APBB1IP: variants seen among roughly 807,000 people sequenced by gnomAD.
The protein encoded by APBB1IP is amyloid beta precursor protein binding family B member 1 interacting protein, also known as amyloid beta A4 precursor protein-binding family B member 1-interacting protein.
A neutral mutation model predicts 64.9 loss-of-function variants in APBB1IP; 27 were observed. That is an observed-to-expected ratio of 0.42 (90% CI 0.31 to 0.57). The LOEUF is 0.57. Among genes scored for constraint, APBB1IP ranks in the 20% least tolerant of loss-of-function variants. APBB1IP has a pLI of 0.20. For missense variants in APBB1IP, 812 were observed against 845.5 expected, an observed-to-expected ratio of 0.96 and a Z score of 0.49; for synonymous variants, 392 against 331.0, an observed-to-expected ratio of 1.18 and a Z score of -2.00.
At chr10:26,516,597 G>GGGTGT (rs1836334286) in intron 8 of APBB1IP, among the ~76,000 whole-genome samples, 2 of 148,506 alleles carry the variant, frequency 1.3e-5, no homozygotes, top group African/African-American at 5.1e-5. Flanking sequence ...AAAGAGGGAG[G>GGGTGT]GGTGTGGTAA....
intron 2 of APBB1IP, among the ~76,000 whole-genome samples, chr10:26,452,984 C>T (rs1431424294): frequency 6.6e-6 from 1 of 152,156 alleles, no homozygotes; most frequent in Non-Finnish European, 1.5e-5. Flanking sequence ...AAATATTTTA[C>T]ATTATTCTTA....
intron 13 of APBB1IP, chr10:26,561,998 C>T (rs1303916347): frequency 3.3e-5 from 6 of 183,766 alleles, no homozygotes; most frequent in Non-Finnish European, 4.6e-5. Context: ...AAAAGTAAAA[C>T]ATATTGTTAC....
intron 10 of APBB1IP, among the ~76,000 whole-genome samples, chr10:26,538,070 A>G (rs930134324): frequency 1.3e-5 from 2 of 152,212 alleles, no homozygotes; most frequent in Non-Finnish European, 2.9e-5. Flanking sequence ...ATAGAAAAGA[A>G]GAGGCAAAGA....
chr10:26,502,432 G>C (rs537444847), intron 5 of APBB1IP, among the ~76,000 whole-genome samples: 1 of 152,264 alleles, frequency 6.6e-6, no homozygotes, highest in Non-Finnish European at 1.5e-5. Context: ...ATGAGGTCAG[G>C]AGATGGAGAC....
intron 7 of APBB1IP, 118 bp downstream of exon 7, chr10:26,512,024 C>G: frequency 1.7e-6 from 2 of 1,167,030 alleles, no homozygotes; most frequent in South Asian, 3.2e-5. Context: ...GACACATGCT[C>G]TCACTATGCT....
intron 2 of APBB1IP, among the ~76,000 whole-genome samples, chr10:26,461,859 G>A (rs1171390040): frequency 6.6e-6 from 1 of 152,014 alleles, no homozygotes; most frequent in African/African-American, 2.4e-5. Flanking sequence ...CTTTTGCCAT[G>A]TCATTTTCTA....
chr10:26,496,561 G>A (rs1484735907), intron 4 of APBB1IP, among the ~76,000 whole-genome samples, 170 bp downstream of exon 4: 2 of 152,038 alleles, frequency 1.3e-5, no homozygotes, highest in Non-Finnish European at 2.9e-5. Context: ...TGAATTGAGA[G>A]AGTCAAGAAG....
chr10:26,521,229 C>A (rs1264755793), intron 8 of APBB1IP, among the ~76,000 whole-genome samples: 2 of 152,152 alleles, frequency 1.3e-5, no homozygotes, highest in Non-Finnish European at 2.9e-5. Flanking sequence ...GGGTGCAAGA[C>A]CATCATTGGT....
At chr10:26,499,309 C>T in intron 4 of APBB1IP, among the ~76,000 whole-genome samples, 1 of 150,924 alleles carries the variant, frequency 6.6e-6, no homozygotes, top group Non-Finnish European at 1.5e-5. Context: ...AAGCGAAACT[C>T]TGTCTCAAAA....
At chr10:26,450,074 A>T (rs1325833016) in intron 2 of APBB1IP, among the ~76,000 whole-genome samples, 3 of 152,178 alleles carry the variant, frequency 2.0e-5, no homozygotes, top group Non-Finnish European at 4.4e-5. Context: ...AAAATTATGG[A>T]GAATGGTTTA....
chr10:26,535,921 A>C (rs2132465146), intron 9 of APBB1IP, among the ~76,000 whole-genome samples, 153 bp from the exon 10 acceptor site: 1 of 152,382 alleles, frequency 6.6e-6, no homozygotes, highest in Non-Finnish European at 1.5e-5. Flanking sequence ...CTCTTCTGGC[A>C]AATAGCATAT....
At chr10:26,442,399 A>C (rs1835347422) in intron 2 of APBB1IP, among the ~76,000 whole-genome samples, 1 of 152,220 alleles carries the variant, frequency 6.6e-6, no homozygotes, top group Non-Finnish European at 1.5e-5. Context: ...TCAACAAGCA[A>C]GCAGTGAGTT....
chr10:26,567,580 C>G lies in APBB1IP; in HGVS notation c.*92C>G, dbSNP rs781757207. 6.8e-7 allele frequency: 1 copy of G among 1,464,174 alleles called. No individual in the cohort carries two copies. The highest frequency in any genetic ancestry group is 9.2e-7 in the Non-Finnish European group (1 of 1,087,972). 90.7% of individuals were successfully genotyped at this position (1,464,174 alleles called of 1,614,324 possible). On this transcript the variant is annotated 3_prime_UTR_variant, in exon 15 of 15. Transcript: ENST00000376236. ...GATTGCCCTGACATCTTGTTCATTT[C>G]AGATAAAATGTGATGGGAAACTTCT... is the stretch of plus-strand genomic sequence containing the variant.
intron 7 of APBB1IP, among the ~76,000 whole-genome samples, chr10:26,512,991 T>C (rs1836279686): frequency 6.6e-6 from 1 of 152,128 alleles, no homozygotes; most frequent in Non-Finnish European, 1.5e-5. Flanking sequence ...TGTTAAGGAG[T>C]GATGTTTTAG....
At chr10:26,516,454 G>T (rs1332693298) in intron 8 of APBB1IP, among the ~76,000 whole-genome samples, 1 of 146,888 alleles carries the variant, frequency 6.8e-6, no homozygotes, top group Non-Finnish European at 1.5e-5. Context: ...GAGGAAGGGA[G>T]AATTGCTTGG....
chr10:26,466,587 G>A (rs1432778658), intron 2 of APBB1IP, among the ~76,000 whole-genome samples: 1 of 152,152 alleles, frequency 6.6e-6, no homozygotes, highest in African/African-American at 2.4e-5. Flanking sequence ...GATCACTTGA[G>A]GCCAGGAGGT....
chr10:26,564,441 C>T (rs901898229), intron 14 of APBB1IP, among the ~76,000 whole-genome samples: 11 of 152,174 alleles, frequency 7.2e-5, no homozygotes, highest in South Asian at 4.1e-4. Context: ...ACCTGAGACA[C>T]GAGTCATAAT....
At chr10:26,486,487 C>T (rs945057926) in intron 2 of APBB1IP, among the ~76,000 whole-genome samples, 23 of 152,046 alleles carry the variant, frequency 1.5e-4, no homozygotes, top group Admixed American at 6.6e-5. Flanking sequence ...CAAGTTAAGG[C>T]GCATGGGAAG....
intron 8 of APBB1IP, among the ~76,000 whole-genome samples, chr10:26,528,521 G>A (rs1044311358): frequency 6.6e-6 from 1 of 152,132 alleles, no homozygotes; most frequent in African/African-American, 2.4e-5. Flanking sequence ...TCTAGACTGT[G>A]GCTCATTTTG....
Sources: gnomAD v4.1 joint callset for allele counts (sites outside exome capture counted in the v4.1 genomes callset) on GRCh38, gnomAD v4.1.1 for gene constraint, MANE v1.5 for transcripts, NCBI Gene and HGNC (gene_info 2026-07-23, HGNC 2026-07-21) for gene names.